SETD7: variants seen among roughly 807,000 people sequenced by gnomAD.
SETD7 encodes SET domain containing 7, histone lysine methyltransferase.
A neutral mutation model predicts 41.8 loss-of-function variants in SETD7; 16 were observed. That is an observed-to-expected ratio of 0.38 (90% CI 0.26 to 0.58). The LOEUF is 0.58. SETD7 is among the 20% of genes least tolerant of loss of function. The pLI is 0.64. For synonymous variants in SETD7, 163 were observed against 169.7 expected (o/e 0.96, Z 0.31); for missense variants, 346 against 459.7 (o/e 0.75, Z 2.26).
intron 2 of SETD7, among the ~76,000 whole-genome samples, chr4:139,542,028 A>G (rs1727792083): frequency 6.6e-6 from 1 of 152,270 alleles, no homozygotes; most frequent in African/African-American, 2.4e-5. Context: ...AATGTGGTAT[A>G]TACGTACACA....
downstream of SETD7, among the ~76,000 whole-genome samples, chr4:139,503,296 AG>A (rs565003282): frequency 3.4e-4 from 51 of 152,066 alleles, no homozygotes; most frequent in African/African-American, 1.2e-3. Context: ...ATCAAGGGAA[AG>A]GAAGACACAG....
chr4:139,517,074 C>T (rs1727045408), intron 7 of SETD7, among the ~76,000 whole-genome samples: 2 of 152,182 alleles, frequency 1.3e-5, no homozygotes, highest in South Asian at 4.1e-4. Context: ...TACTTCATTC[C>T]TTTTTAGTAT....
intron 2 of SETD7, chr4:139,546,515 T>G (rs1437987191): frequency 9.8e-6 from 3 of 305,578 alleles, no homozygotes; most frequent in Non-Finnish European, 1.9e-5. Flanking sequence ...TGGAAAAAAG[T>G]GTGAATCTGA....
chr4:139,520,409 G>A lies in SETD7; in HGVS notation c.645-15C>T, dbSNP rs370059103. On this transcript the variant is annotated splice_polypyrimidine_tract_variant and intron_variant, in intron 5 of 7. Coordinates refer to ENST00000274031, the MANE Select transcript of SETD7 (RefSeq NM_030648.4). ...CAACATAAACCCTAAATTGAAAAAA[G>A]AGTTGAATAGTGACCTTTTCAGCTT... is the stretch of plus-strand genomic sequence containing the variant. The A allele has an allele frequency of 8.3e-5, 122 of 1,472,994 alleles. No homozygotes were observed. The highest frequency in any genetic ancestry group is 1.1e-4 in the Non-Finnish European group (112 of 1,064,588). The allele number at this position is 1,472,994 out of a possible 1,614,324, so 91.2% of individuals were successfully genotyped here.
At chr4:139,540,566 CTG>C (rs1460309050) in intron 2 of SETD7, among the ~76,000 whole-genome samples, 1 of 152,204 alleles carries the variant, frequency 6.6e-6, no homozygotes, top group Non-Finnish European at 1.5e-5. Flanking sequence ...TTTAGCCACT[CTG>C]TGCCTTAGTT....
At chr4:139,516,899 A>G (rs573848075) in intron 7 of SETD7, among the ~76,000 whole-genome samples, 18 of 152,110 alleles carry the variant, frequency 1.2e-4, no homozygotes, top group Non-Finnish European at 2.4e-4. Context: ...TCCCATACCC[A>G]TTAGCACACA....
At chr4:139,497,379 C>T (rs924175785) in intron 7 of SETD7, among the ~76,000 whole-genome samples, 18 of 151,652 alleles carry the variant, frequency 1.2e-4, no homozygotes, top group African/African-American at 4.4e-4. Flanking sequence ...CGCTTAAACA[C>T]GGGAGGCGGA....
At chr4:139,498,352 G>A (rs1726505878) in intron 7 of SETD7, among the ~76,000 whole-genome samples, 1 of 152,044 alleles carries the variant, frequency 6.6e-6, no homozygotes, top group Non-Finnish European at 1.5e-5. Context: ...CATTACCCCA[G>A]GGTCAGGTAC....
chr4:139,493,703 C>A (rs1237571641), downstream of SETD7, among the ~76,000 whole-genome samples: 1 of 152,038 alleles, frequency 6.6e-6, no homozygotes, highest in Non-Finnish European at 1.5e-5. Flanking sequence ...CCAGGCCTGG[C>A]TACTTTTTGT....
intron 2 of SETD7, among the ~76,000 whole-genome samples, chr4:139,533,790 T>C (rs1395464630): frequency 2.7e-4 from 41 of 152,312 alleles, no homozygotes; most frequent in Non-Finnish European, 2.9e-5. Context: ...ATGGCTTGTA[T>C]ATAGTAATCT....
At chr4:139,546,261 G>T (rs1727941749) in intron 2 of SETD7, 1 of 155,038 alleles carries the variant, frequency 6.5e-6, no homozygotes, top group Admixed American at 6.5e-5. Context: ...TTAAAAAATT[G>T]AAGTCTAGAG....
At chr4:139,532,199 C>T (rs1278526873) in intron 3 of SETD7, among the ~76,000 whole-genome samples, 4 of 152,158 alleles carry the variant, frequency 2.6e-5, no homozygotes, top group Non-Finnish European at 5.9e-5. Context: ...TTCAGCATTT[C>T]AGGAGGCCAA....
chr4:139,521,574 T>C (rs1051479413), intron 5 of SETD7, among the ~76,000 whole-genome samples: 2 of 152,260 alleles, frequency 1.3e-5, no homozygotes, highest in African/African-American at 4.8e-5. Flanking sequence ...GATTTATTGC[T>C]TTCAACTCTT....
chr4:139,522,984 C>A (rs1450216559), intron 5 of SETD7, among the ~76,000 whole-genome samples: 1 of 151,976 alleles, frequency 6.6e-6, no homozygotes, highest in Non-Finnish European at 1.5e-5. Flanking sequence ...GAACTCCTGA[C>A]CTCAAGTGAT....
At chr4:139,535,869 G>A (rs984575563) in intron 2 of SETD7, among the ~76,000 whole-genome samples, 2 of 152,140 alleles carry the variant, frequency 1.3e-5, no homozygotes, top group East Asian at 3.8e-4. Context: ...GTTCTCCAGG[G>A]TGATAAAAGT....
chr4:139,541,621 A>C (rs1727781092), intron 2 of SETD7, among the ~76,000 whole-genome samples: 1 of 152,206 alleles, frequency 6.6e-6, no homozygotes, highest in Non-Finnish European at 1.5e-5. Context: ...GAATGGACAC[A>C]ATATCTACTT....
chr4:139,508,255 G>A lies in SETD7; in HGVS notation c.*3408C>T, dbSNP rs1415670878. The A allele has an allele frequency of 6.6e-6, 1 of 152,086 alleles. No individual in the cohort carries two copies. The highest frequency in any genetic ancestry group is 6.6e-5 in the Admixed American group (1 of 15,264). The allele number at this position is 152,086 out of a possible 1,614,324, so 9.4% of individuals were successfully genotyped here. A position where few individuals can be genotyped will look rare whatever the true frequency, so the allele number is the denominator to read the frequency against. On this transcript the variant is annotated 3_prime_UTR_variant, in exon 8 of 8. Coordinates refer to ENST00000274031, the MANE Select transcript of SETD7 (RefSeq NM_030648.4). ...TGAAGAACCCCCATAGGGCAAATAG[G>A]TTTAACTACAGTCCTAGACAGGTTC...
At chr4:139,551,170 T>G (rs1025013918) in intron 1 of SETD7, among the ~76,000 whole-genome samples, 7 of 152,220 alleles carry the variant, frequency 4.6e-5, no homozygotes, top group Non-Finnish European at 7.3e-5. Flanking sequence ...TTATCTAACT[T>G]GAAGGGAAAC....
chr4:139,498,963 T>C (rs186994733), intron 7 of SETD7, among the ~76,000 whole-genome samples: 2 of 152,142 alleles, frequency 1.3e-5, no homozygotes, highest in African/African-American at 4.8e-5. Context: ...ATACAAAAAT[T>C]AGGCATGATA....
Sources: allele counts gnomAD v4.1 joint callset (sites outside exome capture counted in the v4.1 genomes callset), GRCh38; gene constraint gnomAD v4.1.1; transcripts MANE v1.5; gene names NCBI Gene and HGNC (gene_info 2026-07-23, HGNC 2026-07-21).